Variants in CLEC9A observed in about 807,000 individuals in gnomAD.
The protein encoded by CLEC9A is C-type lectin domain containing 9A, also known as C-type lectin domain family 9 member A.
CLEC9A carries 24 observed loss-of-function variants against 30.0 expected under a neutral mutation model. The observed-to-expected ratio is 0.80, with a 90% CI of 0.58 to 1.13. The LOEUF is 1.13. CLEC9A is among the 50% of genes most tolerant of loss of function. The probability of loss-of-function intolerance (pLI) is 0.00; values close to 1 mark genes in which losing one functional copy is unlikely to be tolerated. For synonymous variants in CLEC9A, 111 were observed against 96.8 expected, an observed-to-expected ratio of 1.15 and a Z score of -0.86; for missense variants, 251 against 280.9, an observed-to-expected ratio of 0.89 and a Z score of 0.76.
chr12:10,033,345 T>A (rs970267535), intron 1 of CLEC9A, among the ~76,000 whole-genome samples: 2 of 152,152 alleles, frequency 1.3e-5, no homozygotes, highest in Non-Finnish European at 2.9e-5. Context: ...AGAATGGGAA[T>A]TAATCTCTTG....
chr12:10,045,096 A>G (rs1328115735), intron 2 of CLEC9A, among the ~76,000 whole-genome samples: 1 of 152,116 alleles, frequency 6.6e-6, no homozygotes, highest in African/African-American at 2.4e-5. Flanking sequence ...TGTCCTGTCC[A>G]TCTCCTGTCT....
At chr12:10,043,772 C>G (rs910914061) in intron 2 of CLEC9A, among the ~76,000 whole-genome samples, 2 of 151,984 alleles carry the variant, frequency 1.3e-5, no homozygotes, top group Non-Finnish European at 2.9e-5. Flanking sequence ...ACCTCCACCT[C>G]CTGGGTTCAA....
At chr12:10,039,037 A>C (rs1865768627) in intron 1 of CLEC9A, among the ~76,000 whole-genome samples, 1 of 152,206 alleles carries the variant, frequency 6.6e-6, no homozygotes, top group Admixed American at 6.5e-5. Context: ...GACCCTGAGA[A>C]GGCAGGGGCA....
intron 2 of CLEC9A, among the ~76,000 whole-genome samples, chr12:10,050,729 A>G (rs909724853): frequency 5.9e-5 from 9 of 152,212 alleles, no homozygotes; most frequent in African/African-American, 2.2e-4. Flanking sequence ...TTGGAAATTA[A>G]TGACAACTTA....
intron 1 of CLEC9A, among the ~76,000 whole-genome samples, chr12:10,039,760 C>T (rs1822972145): frequency 6.6e-6 from 1 of 152,152 alleles, no homozygotes; most frequent in African/African-American, 2.4e-5. Flanking sequence ...ATTTTAGAAT[C>T]TTTCATTTAT....
intron 2 of CLEC9A, among the ~76,000 whole-genome samples, chr12:10,051,158 T>C (rs1006301277): frequency 4.7e-5 from 7 of 149,624 alleles, no homozygotes; most frequent in African/African-American, 1.5e-4. Context: ...TGAGCCGAGA[T>C]AGGGCCACAG....
chr12:10,039,824 A>G (rs1865775530), intron 1 of CLEC9A, among the ~76,000 whole-genome samples: 2 of 150,066 alleles, frequency 1.3e-5, no homozygotes, highest in Middle Eastern at 3.4e-3. Context: ...TTATTTATTT[A>G]TTTATTTATT....
In CLEC9A at chr12:10,042,942, T is replaced by C. The variant is rs540174730; in HGVS notation, c.-163+1322T>C. Among the ~76,000 whole-genome samples, 4 of 152,326 alleles carry C rather than the reference T, an allele frequency of 2.6e-5. No homozygotes were observed. The South Asian group carries it at 8.3e-4, about 32-fold the overall frequency. The stretch of plus-strand genomic sequence containing the variant: ...GGTAGTCTGAAAGTATAATCCTCAA[T>C]TGATTGAAGATATAAATATATGTTA... On this transcript the variant is annotated intron_variant, in intron 2 of 8. Transcript: ENST00000355819.
At chr12:10,036,267 CAT>C (rs1158493344) in intron 1 of CLEC9A, among the ~76,000 whole-genome samples, 1 of 152,194 alleles carries the variant, frequency 6.6e-6, no homozygotes, top group Non-Finnish European at 1.5e-5. Context: ...TTGAAATCCA[CAT>C]GTTTAAGCTT....
chr12:10,063,126 T>C lies in CLEC9A; in HGVS notation c.391T>C (p.Trp131Arg). Residue 131 changes from tryptophan (W) to arginine (R), a missense_variant, in exon 7 of 9, where the codon TGG becomes CGG. Transcript: ENST00000355819. Reference protein sequence around the residue: ...RESCYYVSEIWSIWHTSQENC... With the variant: ...RESCYYVSEIRSIWHTSQENC... ...AAGTTGTTACTATGTCTCTGAAATT[T>C]GGAGCATTTGGCACACCAGTCAAGA... 2 of 1,612,628 alleles carry C rather than the reference T, an allele frequency of 1.2e-6. No homozygotes were observed. Among genetic ancestry groups the C allele is most frequent in the African/African-American group, 2.7e-5 (2 of 74,940 alleles).
At position 10,032,681 on chromosome 12, in the gene CLEC9A, G is replaced by A. The variant is rs149855455; in HGVS notation, c.-318+1709G>A. Among the ~76,000 whole-genome samples the A allele has an allele frequency of 3.5e-3, 532 of 152,020 alleles. 1 individual carries two copies. Among genetic ancestry groups the A allele is most frequent in the Non-Finnish European group, 6.2e-3 (422 of 67,956 alleles). On this transcript the variant is annotated intron_variant, in intron 1 of 8. Coordinates refer to ENST00000355819, the MANE Select transcript of CLEC9A (RefSeq NM_207345.4). ...GCTGGGATTACAGGTGTGAGCCACC[G>A]CGCCCGGCCAATAGGGATTTCAAGC...
At chr12:10,045,922 T>C (rs1227553061) in intron 2 of CLEC9A, among the ~76,000 whole-genome samples, 1 of 152,232 alleles carries the variant, frequency 6.6e-6, no homozygotes, top group Non-Finnish European at 1.5e-5. Context: ...TCTTCATATA[T>C]ACACATATAA....
chr12:10,051,593 C>G (rs1215188541), intron 2 of CLEC9A, among the ~76,000 whole-genome samples: 1 of 152,068 alleles, frequency 6.6e-6, no homozygotes, highest in Non-Finnish European at 1.5e-5. Context: ...CTTCTGGGGG[C>G]CTGATTGCTA....
At chr12:10,042,588 G>A (rs1055001394) in intron 2 of CLEC9A, among the ~76,000 whole-genome samples, 6 of 152,094 alleles carry the variant, frequency 3.9e-5, no homozygotes, top group African/African-American at 9.7e-5. Flanking sequence ...TTAAGCTCAA[G>A]GAGCATAGAT....
At chr12:10,036,295 G>A (rs1046528820) in intron 1 of CLEC9A, among the ~76,000 whole-genome samples, 1 of 152,178 alleles carries the variant, frequency 6.6e-6, no homozygotes, top group African/African-American at 2.4e-5. Context: ...AAATGAAGGA[G>A]AAAATATTAA....
chr12:10,032,630 A>C (rs1865709726), intron 1 of CLEC9A, among the ~76,000 whole-genome samples: 1 of 151,946 alleles, frequency 6.6e-6, no homozygotes. Context: ...TAACCTCGTG[A>C]TCCGCCCGCT....
chr12:10,061,187 C>T lies in CLEC9A; in HGVS notation c.233C>T (p.Ala78Val). 6.2e-7 allele frequency: 1 copy of T among 1,613,206 alleles called. No homozygotes were observed. The highest frequency in any genetic ancestry group is 1.3e-5 in the African/African-American group (1 of 74,988). Reference protein sequence around the residue: ...QQEKLIQQERALLNFTEWKRS... With the variant: ...QQEKLIQQERVLLNFTEWKRS... ...GAAAAACTCATCCAACAAGAGAGGGCACTGCTAAACTTTACAGAATGGAAG... is the reference window on the plus strand; with the variant it reads ...GAAAAACTCATCCAACAAGAGAGGGTACTGCTAAACTTTACAGAATGGAAG... The change falls in exon 6 of 9, where the codon GCA becomes GTA. Residue 78 changes from alanine to valine, a missense_variant. Transcript: ENST00000355819.
At chr12:10,043,845 T>A (rs1034232283) in intron 2 of CLEC9A, among the ~76,000 whole-genome samples, 15 of 151,942 alleles carry the variant, frequency 9.9e-5, no homozygotes, top group African/African-American at 3.4e-4. Context: ...CCACACCAGC[T>A]AATTTTTGTA....
rs755451997 is a variant in CLEC9A at position 10,052,700 on chromosome 12, G to T, written c.13G>T (p.Glu5Ter). 6.2e-7 allele frequency: 1 copy of T among 1,613,722 alleles called. No homozygotes were observed. The highest frequency in any genetic ancestry group is 8.5e-7 in the Non-Finnish European group (1 of 1,179,734). Reference sequence around the variant, plus strand: ...AAGCACCTTAGACATGCACGAGGAAGAAATATACACCTCTCTTCAGTGGGA... The same window carrying T: ...AAGCACCTTAGACATGCACGAGGAATAAATATACACCTCTCTTCAGTGGGA... MHEE[E>*]IYTSLQWDSP... The change falls in exon 4 of 9, where the codon GAA (glutamate) becomes TAA (stop). Residue 5 changes from glutamate (E) to a stop codon, truncating the protein, a stop_gained. Transcript: ENST00000355819. LOFTEE classifies it high-confidence loss of function.
Sources: allele counts gnomAD v4.1 joint callset (sites outside exome capture counted in the v4.1 genomes callset), GRCh38; gene constraint gnomAD v4.1.1; transcripts MANE v1.5; gene names NCBI Gene and HGNC (gene_info 2026-07-23, HGNC 2026-07-21).